RGL1: variants seen among roughly 807,000 people sequenced by gnomAD.
The protein encoded by RGL1 is ral guanine nucleotide dissociation stimulator like 1.
Under a neutral mutation model 95.2 loss-of-function variants are expected in RGL1, and 24 were observed. The observed-to-expected ratio is 0.25, with a 90% CI of 0.18 to 0.35. RGL1 has a LOEUF of 0.35. RGL1 is among the 10% of genes least tolerant of loss of function. The pLI, the probability that RGL1 is intolerant of heterozygous loss-of-function variation, is 1.00. For missense variants in RGL1, 715 were observed against 936.3 expected (o/e 0.76, Z 3.08); for synonymous variants, 329 against 344.9 (o/e 0.95, Z 0.51).
At chr1:183,665,195 C>T (rs1174672) in intron 1 of RGL1, among the ~76,000 whole-genome samples, 60,435 of 151,930 alleles carry the variant, frequency 0.4, 12,246 homozygotes, top group African/African-American at 0.47. Context: ...ATTACATTAA[C>T]TGATTTTCAA....
At chr1:183,845,796 T>A (rs186008932) in intron 2 of RGL1, among the ~76,000 whole-genome samples, 18 of 152,354 alleles carry the variant, frequency 1.2e-4, no homozygotes, top group African/African-American at 4.1e-4. Context: ...TTTTTCAAGC[T>A]ATCAACATGA....
chr1:183,766,814 A>G (rs1658991178), intron 2 of RGL1, among the ~76,000 whole-genome samples: 1 of 152,048 alleles, frequency 6.6e-6, no homozygotes, highest in African/African-American at 2.4e-5. Context: ...GAGGCTTGAC[A>G]AAGGTAGCTT....
intron 8 of RGL1, among the ~76,000 whole-genome samples, chr1:183,891,249 A>G (rs1013972229): frequency 7.9e-5 from 12 of 152,058 alleles, no homozygotes. Flanking sequence ...TATTGCCCCT[A>G]TTAATTCTTT....
intron 3 of RGL1, among the ~76,000 whole-genome samples, chr1:183,850,746 A>G (rs530844194): frequency 6.6e-6 from 1 of 152,306 alleles, no homozygotes; most frequent in Admixed American, 6.5e-5. Context: ...AAATTGAAAA[A>G]TTATATGAAT....
At chr1:183,696,166 T>C (rs1654240484) in intron 1 of RGL1, among the ~76,000 whole-genome samples, 1 of 152,154 alleles carries the variant, frequency 6.6e-6, no homozygotes, top group Non-Finnish European at 1.5e-5. Flanking sequence ...CAGTTCTCAC[T>C]TCATGGGACC....
intron 1 of RGL1, among the ~76,000 whole-genome samples, chr1:183,697,229 G>A (rs572209157): frequency 9.1e-4 from 138 of 152,162 alleles, no homozygotes; most frequent in African/African-American, 3.2e-3. Context: ...TCAAGTCTTT[G>A]CTTAGATGAT....
chr1:183,801,001 TGAGATTGCTA>T (rs1660953776), upstream of RGL1, among the ~76,000 whole-genome samples: 1 of 151,842 alleles, frequency 6.6e-6, no homozygotes. Flanking sequence ...TACCCAGAAT[TGAGATTGCTA>T]GACTATATGG....
In RGL1 at chr1:183,926,320, C is replaced by A. The variant is rs1372336754; in HGVS notation, c.*28C>A. On this transcript the variant is annotated 3_prime_UTR_variant, in exon 18 of 18. Transcript: ENST00000360851. Reference sequence around the variant, plus strand: ...GGAGGGACCAGTGGCCCCTTGTTTGCCAAAGGCAGAGTGGGGCTGAGAAAC... The same window carrying A: ...GGAGGGACCAGTGGCCCCTTGTTTGACAAAGGCAGAGTGGGGCTGAGAAAC... 6.3e-7 allele frequency: 1 copy of A among 1,578,874 alleles called. No individual in the cohort carries two copies. Among genetic ancestry groups the A allele is most frequent in the East Asian group, 2.3e-5 (1 of 44,080 alleles).
At chr1:183,650,604 C>A (rs1650672712) in intron 1 of RGL1, among the ~76,000 whole-genome samples, 1 of 151,944 alleles carries the variant, frequency 6.6e-6, no homozygotes, top group Admixed American at 6.6e-5. Context: ...GTAACTGTAA[C>A]ATTCAGTTTC....
chr1:183,767,421 T>C (rs6679538), intron 2 of RGL1, among the ~76,000 whole-genome samples: 105,586 of 152,018 alleles, frequency 0.69, 37,044 homozygotes, highest in East Asian at 0.91. Context: ...CAGCCTAAAA[T>C]ACAAAAGCAC....
rs376488974 is a variant in RGL1, at chr1:183,806,503, G to A, written c.138+18G>A. 5.8e-6 allele frequency: 9 copies of A among 1,553,658 alleles called. No individual in the cohort carries two copies. The highest frequency in any genetic ancestry group is 2.2e-5 in the East Asian group (1 of 44,530). On this transcript the variant is annotated intron_variant, in intron 2 of 17. Transcript: ENST00000360851. ...GGCTAGGGGTGAGTAAAGCTGGCGA[G>A]ATGGTGAACTTTGGAATTTCAGTGT...
upstream of RGL1, among the ~76,000 whole-genome samples, chr1:183,801,785 G>T (rs539556891): frequency 6.6e-6 from 1 of 152,290 alleles, no homozygotes; most frequent in East Asian, 1.9e-4. Flanking sequence ...GTGAGGCAGC[G>T]CATGCAGAGA....
At chr1:183,696,771 C>G (rs1366843274) in intron 1 of RGL1, among the ~76,000 whole-genome samples, 1 of 152,212 alleles carries the variant, frequency 6.6e-6, no homozygotes, top group African/African-American at 2.4e-5. Context: ...TTTTAGTCAT[C>G]CCTGAACTTC....
chr1:183,911,994 C>G, intron 14 of RGL1, 88 bp from the exon 15 acceptor site: 2 of 1,147,974 alleles, frequency 1.7e-6, no homozygotes, highest in Non-Finnish European at 2.5e-6. Flanking sequence ...GAAAAAACAT[C>G]AAGGGCTTAA....
rs192234514 is a variant in RGL1 at position 183,884,938 on chromosome 1, T to C, written c.951T>C (p.His317=). 3 of 1,612,058 alleles carry C rather than the reference T, an allele frequency of 1.9e-6. No individual in the cohort carries two copies. The highest frequency in any genetic ancestry group is 2.2e-5 in the South Asian group (2 of 90,942). The change falls in exon 7 of 18, where the codon CAT becomes CAC. Residue 317 remains histidine (H), a splice_region_variant and synonymous_variant. Coordinates refer to ENST00000360851, the MANE Select transcript of RGL1 (RefSeq NM_001297671.3). ...TTGAGAAGTGGATCAACATCGCTCA[T>C]GTAATTGTCTTTTATAAAATATTCT... ...KIIEKWINIA[H]ECRLLKNFSS... is the part of the protein sequence containing the mutation.
At chr1:183,850,431 T>TA (rs1664765010) in intron 3 of RGL1, among the ~76,000 whole-genome samples, 1 of 152,220 alleles carries the variant, frequency 6.6e-6, no homozygotes, top group African/African-American at 2.4e-5. Context: ...TATTCCAATA[T>TA]AAGTAAGGTT....
chr1:183,914,915 G>T (rs1023280661), intron 15 of RGL1, among the ~76,000 whole-genome samples: 1 of 152,158 alleles, frequency 6.6e-6, no homozygotes, highest in African/African-American at 2.4e-5. Flanking sequence ...TATCTGCAAA[G>T]AAACTTATGC....
intron 1 of RGL1, among the ~76,000 whole-genome samples, chr1:183,640,084 G>T (rs1649822465): frequency 6.6e-6 from 1 of 152,022 alleles, no homozygotes; most frequent in African/African-American, 2.4e-5. Context: ...TTGTCTGCCC[G>T]CCTTGGGCTC....
In RGL1 at chr1:183,880,644, C is replaced by A; in HGVS notation, c.454C>A (p.Leu152Ile). Residue 152 changes from leucine to isoleucine, a missense_variant, in exon 5 of 18, where the codon CTT becomes ATT. By Grantham distance (5) the Leu-to-Ile change is conservative (BLOSUM62 2). This residue lies in a region of RGL1 where 381 missense variants were observed against 484.8 expected (regional missense o/e 0.79). Transcript: ENST00000360851. ...NAIASILRAW[L>I]DQCAEDFREP... ...AATCGCTTCCATACTAAGGGCCTGG[C>A]TTGACCAGTGTGCAGAAGACTTCCG... The A allele has an allele frequency of 6.2e-7, 1 of 1,613,894 alleles. No individual in the cohort carries two copies. The highest frequency in any genetic ancestry group is 8.5e-7 in the Non-Finnish European group (1 of 1,179,832).
Sources: gnomAD v4.1 joint callset for allele counts (sites outside exome capture counted in the v4.1 genomes callset) on GRCh38, gnomAD v4.1.1 for gene constraint, gnomAD v4.1.1 regional missense constraint, MANE v1.5 for transcripts, NCBI Gene and HGNC (gene_info 2026-07-23, HGNC 2026-07-21) for gene names.